Variants in C8B observed in about 807,000 individuals in gnomAD.
C8B encodes complement component C8 beta chain.
A neutral mutation model predicts 64.6 loss-of-function variants in C8B; 67 were observed. That is an observed-to-expected ratio of 1.04 (90% CI 0.85 to 1.27). The LOEUF (loss-of-function observed/expected upper bound fraction) is 1.27, where lower values mean the gene tolerates loss of function less well. Among genes scored for constraint, C8B ranks in the 50% most tolerant of loss-of-function variants. The probability of loss-of-function intolerance (pLI) is 0.00; values close to 1 mark genes in which losing one functional copy is unlikely to be tolerated. For missense variants in C8B, 790 were observed against 725.2 expected (o/e 1.09, Z -1.03); for synonymous variants, 284 against 257.7 (o/e 1.10, Z -0.98).
intron 8 of C8B, among the ~76,000 whole-genome samples, chr1:56,942,312 T>C (rs1245810671): frequency 6.6e-6 from 1 of 152,208 alleles, no homozygotes; most frequent in Non-Finnish European, 1.5e-5. Context: ...TATAAAGCAA[T>C]TATTATTTTG....
chr1:56,934,522 G>A (rs1300218802), intron 9 of C8B, among the ~76,000 whole-genome samples: 1 of 152,152 alleles, frequency 6.6e-6, no homozygotes, highest in Admixed American at 6.5e-5. Context: ...CAACTCCAGG[G>A]CCAGGTTCCT....
At chr1:56,932,000 G>A in intron 10 of C8B, 122 bp from the exon 11 acceptor site, 1 of 725,354 alleles carries the variant, frequency 1.4e-6, no homozygotes, top group South Asian at 1.5e-5. Context: ...TAGTTAAATG[G>A]CTTGCTATAG....
chr1:56,960,130 A>T lies in C8B; in HGVS notation c.139T>A (p.Phe47Ile). 2 of 1,614,172 alleles carry T rather than the reference A, an allele frequency of 1.2e-6. No homozygotes were observed. The highest frequency in any genetic ancestry group is 1.7e-6 in the Non-Finnish European group (2 of 1,180,010). ...CTCCGCATCTGTCTGCTCTTAGCAAAGCTCTTGTTGACTGCATTTGACCCA... is the reference window on the plus strand; with the variant it reads ...CTCCGCATCTGTCTGCTCTTAGCAATGCTCTTGTTGACTGCATTTGACCCA... ...SFGSNAVNKSFAKSRQMRSVD... is the reference protein window; with the variant it reads ...SFGSNAVNKSIAKSRQMRSVD... The change falls in exon 2 of 12, where the codon TTT becomes ATT. Residue 47 changes from phenylalanine to isoleucine, a missense_variant. By Grantham distance (21) the Phe-to-Ile change is conservative (BLOSUM62 0). Transcript: ENST00000371237.
chr1:56,942,972 G>A (rs774309361), intron 8 of C8B, among the ~76,000 whole-genome samples: 7 of 151,520 alleles, frequency 4.6e-5, no homozygotes, highest in South Asian at 4.2e-4. Flanking sequence ...GGCATGCACC[G>A]GTAGTCCCAG....
chr1:56,962,027 C>T (rs1438044057), intron 1 of C8B, among the ~76,000 whole-genome samples: 1 of 152,154 alleles, frequency 6.6e-6, no homozygotes, highest in African/African-American at 2.4e-5. Context: ...GCAGGGTACC[C>T]TCTTCCTATT....
chr1:56,934,164 C>CTTTTTTTTTTTT (rs60467453), intron 9 of C8B, among the ~76,000 whole-genome samples: 4 of 143,416 alleles, frequency 2.8e-5, no homozygotes, highest in East Asian at 2.0e-4. Flanking sequence ...GTGCAGGGTC[C>CTTTTTTTTTTTT]TTTTTTTTTT....
intron 11 of C8B, 131 bp from the exon 12 acceptor site, chr1:56,929,689 C>A: frequency 1.2e-6 from 1 of 841,596 alleles, no homozygotes; most frequent in Non-Finnish European, 2.0e-6. Flanking sequence ...TGCCATTTTC[C>A]TGGCCATTGT....
At chr1:56,957,269 A>T (rs1476988440) in intron 2 of C8B, among the ~76,000 whole-genome samples, 1 of 152,168 alleles carries the variant, frequency 6.6e-6, no homozygotes, top group Admixed American at 6.5e-5. Context: ...GGACTCATGT[A>T]GCCAGTTCAA....
At position 56,961,184 on chromosome 1, in the gene C8B, T is replaced by A. The variant is rs538055152; in HGVS notation, c.93-1008A>T. Among the ~76,000 whole-genome samples, 6 of 152,294 alleles carry A rather than the reference T, an allele frequency of 3.9e-5. No homozygotes were observed. The South Asian group carries it at 1.2e-3, about 32-fold the overall frequency. On this transcript the variant is annotated intron_variant, in intron 1 of 11. Coordinates refer to ENST00000371237, the MANE Select transcript of C8B (RefSeq NM_000066.4). ...CTTCCTCTGTAATATGAAGTGTGTA[T>A]GATGATTCTTATTTTTTTCTTACAA...
intron 5 of C8B, 90 bp downstream of exon 5, chr1:56,951,958 A>G (rs1476814672): frequency 2.1e-6 from 3 of 1,417,010 alleles, no homozygotes; most frequent in Non-Finnish European, 3.0e-6. Flanking sequence ...CAAAGAGAAA[A>G]GGGCTAGCAG....
chr1:56,958,131 A>G (rs1307973915), intron 2 of C8B, among the ~76,000 whole-genome samples: 1 of 152,106 alleles, frequency 6.6e-6, no homozygotes, highest in Non-Finnish European at 1.5e-5. Context: ...CATAGACAAG[A>G]GCAGATAACA....
chr1:56,954,539 C>A, intron 4 of C8B, 147 bp downstream of exon 4: 2 of 1,089,444 alleles, frequency 1.8e-6, no homozygotes, highest in South Asian at 1.3e-5. Flanking sequence ...CCTCAGAGAG[C>A]AACCGGAAGT....
intron 11 of C8B, among the ~76,000 whole-genome samples, chr1:56,930,303 G>T (rs1644681342): frequency 6.6e-6 from 1 of 152,190 alleles, no homozygotes; most frequent in Non-Finnish European, 1.5e-5. Flanking sequence ...ATTTTTGATT[G>T]TTGGTGAGAT....
intron 11 of C8B, 94 bp from the exon 12 acceptor site, chr1:56,929,652 G>T: frequency 1.6e-6 from 2 of 1,228,530 alleles, no homozygotes; most frequent in East Asian, 2.4e-5. Context: ...AAAAGGCTTT[G>T]GGAGTCTGAA....
At chr1:56,948,303 G>C (rs191516481) in intron 6 of C8B, among the ~76,000 whole-genome samples, 211 of 152,328 alleles carry the variant, frequency 1.4e-3, no homozygotes, top group African/African-American at 4.6e-3. Context: ...TGGATTAAGA[G>C]GTAATAGGAG....
rs529115326 is a variant in C8B at position 56,941,021 on chromosome 1, G to T, written c.1235-9C>A. ...GTCCCTCTTGTTTCTGTCTGGAATG[G>T]ACACAGAGCTAGCAGGTCACAGAAG... On this transcript the variant is annotated splice_polypyrimidine_tract_variant and intron_variant, in intron 8 of 11. Transcript: ENST00000371237. 9.2e-5 allele frequency: 149 copies of T among 1,613,882 alleles called. No individual in the cohort carries two copies. In the South Asian group the frequency reaches 1.5e-3, roughly 16 times the overall value.
At chr1:56,961,273 G>A (rs966670760) in intron 1 of C8B, among the ~76,000 whole-genome samples, 2 of 152,232 alleles carry the variant, frequency 1.3e-5, no homozygotes, top group African/African-American at 4.8e-5. Context: ...GGCACAAAAA[G>A]AGATGGGAAG....
At chr1:56,935,438 A>G (rs776833932) in intron 9 of C8B, among the ~76,000 whole-genome samples, 9 of 151,958 alleles carry the variant, frequency 5.9e-5, no homozygotes, top group Admixed American at 1.3e-4. Flanking sequence ...CCAAATACAC[A>G]GTTCTAACCA....
chr1:56,941,952 AT>A (rs1449077355), intron 8 of C8B, among the ~76,000 whole-genome samples: 2 of 152,248 alleles, frequency 1.3e-5, no homozygotes, highest in Admixed American at 1.3e-4. Flanking sequence ...GGGACAAATC[AT>A]TTATACAGTA....
Sources: allele counts gnomAD v4.1 joint callset (sites outside exome capture counted in the v4.1 genomes callset), GRCh38; gene constraint gnomAD v4.1.1; transcripts MANE v1.5; gene names NCBI Gene and HGNC (gene_info 2026-07-23, HGNC 2026-07-21).